Variants in DCC observed in about 807,000 individuals in gnomAD.
The protein encoded by DCC is DCC netrin 1 receptor.
Under a neutral mutation model 172.5 loss-of-function variants are expected in DCC, and 58 were observed. The ratio of observed to expected loss-of-function variants is 0.34; its 90% confidence interval spans 0.27 to 0.42. The LOEUF is 0.42. Among genes scored for constraint, DCC ranks in the 10% least tolerant of loss-of-function variants. DCC has a pLI of 1.00. For synonymous variants in DCC, 709 were observed against 644.5 expected, an observed-to-expected ratio of 1.10 and a Z score of -1.52; for missense variants, 1,740 against 1,791.0, an observed-to-expected ratio of 0.97 and a Z score of 0.51.
At chr18:53,422,123 G>T (rs1910671687) in intron 21 of DCC, among the ~76,000 whole-genome samples, 1 of 152,248 alleles carries the variant, frequency 6.6e-6, no homozygotes, top group East Asian at 1.9e-4. Context: ...TGTCTTGTGA[G>T]ACTAAACCCA....
intron 7 of DCC, among the ~76,000 whole-genome samples, chr18:53,079,184 C>T (rs936250564): frequency 1.2e-4 from 18 of 152,058 alleles, no homozygotes; most frequent in African/African-American, 4.1e-4. Context: ...TTCTTGATTT[C>T]ATAAATGGAA....
Position 53,204,992 on chromosome 18 carries a change from A to G in DCC, c.1574-224A>G, listed in dbSNP as rs1031454064. ...TTACCAGTTTCTCTAAATGTAAAAT[A>G]AAATAGGCAATTTTGGTTAATGTAA... is the stretch of plus-strand genomic sequence containing the variant. On this transcript the variant is annotated intron_variant, in intron 9 of 28. Transcript: ENST00000442544. Among the ~76,000 whole-genome samples the G allele has an allele frequency of 3.9e-5, 6 of 152,184 alleles. No homozygotes were observed. The East Asian group carries it at 7.7e-4, about 20-fold the overall frequency.
chr18:53,425,485 G>A (rs188790803), intron 21 of DCC, among the ~76,000 whole-genome samples: 38 of 149,196 alleles, frequency 2.5e-4, no homozygotes, highest in African/African-American at 4.7e-4. Context: ...CCAGCCTCCC[G>A]AGTAGATGGG....
chr18:52,759,878 C>G (rs567724003), intron 2 of DCC, among the ~76,000 whole-genome samples: 8 of 152,152 alleles, frequency 5.3e-5, no homozygotes, highest in Non-Finnish European at 1.2e-4. Context: ...AGACCCAAAC[C>G]CCTAGGGAAA....
chr18:53,158,072 T>C (rs1025312018), intron 8 of DCC, among the ~76,000 whole-genome samples: 5 of 152,174 alleles, frequency 3.3e-5, no homozygotes, highest in African/African-American at 1.2e-4. Context: ...TGTATCAAAA[T>C]ACATCATGTA....
chr18:52,710,127 A>G (rs766131343), intron 1 of DCC, among the ~76,000 whole-genome samples: 9 of 152,246 alleles, frequency 5.9e-5, no homozygotes, highest in Admixed American at 6.5e-5. Flanking sequence ...GTGTAAGGAT[A>G]TATTTACAAA....
At chr18:53,190,526 A>T (rs1381730081) in intron 9 of DCC, among the ~76,000 whole-genome samples, 2 of 151,306 alleles carry the variant, frequency 1.3e-5, no homozygotes, top group African/African-American at 4.9e-5. Context: ...ATTAGCCATG[A>T]TCGTTTCAGG....
chr18:53,157,617 T>C, intron 8 of DCC, 105 bp downstream of exon 8: 1 of 1,180,332 alleles, frequency 8.5e-7, no homozygotes, highest in Non-Finnish European at 1.2e-6. Context: ...TTGGAGAGGC[T>C]GTGAAATCTC....
At position 53,339,562 on chromosome 18, in the gene DCC, T is replaced by C. The variant is rs2057631649; in HGVS notation, c.2165-151T>C. 4.3e-6 allele frequency: 3 copies of C among 699,712 alleles called. No individual in the cohort carries two copies. The South Asian group carries it at 4.8e-5, about 11-fold the overall frequency. 43.3% of individuals were successfully genotyped at this position (699,712 alleles called of 1,614,324 possible). On this transcript the variant is annotated intron_variant, in intron 14 of 28. Transcript: ENST00000442544. ...AAAGTCAAATCAAACATAGAAAATA[T>C]ATCATATGCTAAAATAAAGAGTGAC...
At chr18:52,982,617 C>G (rs576603897) in intron 5 of DCC, among the ~76,000 whole-genome samples, 1 of 152,032 alleles carries the variant, frequency 6.6e-6, no homozygotes, top group African/African-American at 2.4e-5. Context: ...CTACTAGATG[C>G]CACTAGCATC....
Position 52,906,203 on chromosome 18 carries a change from T to C in DCC, c.572T>C (p.Val191Ala). Residue 191 changes from valine to alanine, a missense_variant, in exon 3 of 29, where the codon GTC becomes GCC. Around this residue, in one of 2 missense-constraint regions of DCC, gnomAD observed 1,732 missense variants for 1,767.4 expected, o/e 0.98. Coordinates refer to ENST00000442544, the MANE Select transcript of DCC (RefSeq NM_005215.4). ...ATCCCAGGTGACTCCCGAGTGGTGG[T>C]CTTGCCCTCTGGAGCATTGCAGATC... The part of the protein sequence containing the change: ...TPIPGDSRVV[V>A]LPSGALQISR... 6.2e-7 allele frequency: 1 copy of C among 1,613,862 alleles called. No individual in the cohort carries two copies. The highest frequency in any genetic ancestry group is 8.5e-7 in the Non-Finnish European group (1 of 1,179,926).
At chr18:52,392,286 C>A (rs1354972162) in intron 1 of DCC, among the ~76,000 whole-genome samples, 1 of 152,048 alleles carries the variant, frequency 6.6e-6, no homozygotes, top group Non-Finnish European at 1.5e-5. Context: ...ACAGAAAATC[C>A]TCTATCTGTG....
At chr18:52,890,284 A>G (rs1301194304) in intron 2 of DCC, among the ~76,000 whole-genome samples, 2 of 152,022 alleles carry the variant, frequency 1.3e-5, no homozygotes, top group African/African-American at 4.8e-5. Context: ...GGAAAGAGCA[A>G]ACTAATTGAA....
At chr18:53,268,924 TTG>T (rs1299597745) in intron 12 of DCC, among the ~76,000 whole-genome samples, 2 of 152,152 alleles carry the variant, frequency 1.3e-5, no homozygotes, top group African/African-American at 4.8e-5. Context: ...TAGAAGGCAA[TTG>T]CTTTTTATAG....
At chr18:53,421,910 T>G (rs1393014181) in intron 21 of DCC, among the ~76,000 whole-genome samples, 1 of 152,170 alleles carries the variant, frequency 6.6e-6, no homozygotes, top group Admixed American at 6.5e-5. Flanking sequence ...ATTGTGCACA[T>G]GCAATCCTAT....
chr18:53,332,891 C>G (rs2057546343), intron 14 of DCC, among the ~76,000 whole-genome samples: 2 of 151,480 alleles, frequency 1.3e-5, no homozygotes, highest in African/African-American at 4.8e-5. Flanking sequence ...ACAGGGAGAC[C>G]CCATTTCTAC....
intron 1 of DCC, among the ~76,000 whole-genome samples, chr18:52,511,658 C>A (rs2144648547): frequency 1.3e-5 from 2 of 152,306 alleles, no homozygotes; most frequent in South Asian, 4.1e-4. Context: ...ATCATCCAGT[C>A]CCAAATGTCA....
At chr18:52,823,320 C>G (rs1255061613) in intron 2 of DCC, among the ~76,000 whole-genome samples, 2 of 152,142 alleles carry the variant, frequency 1.3e-5, no homozygotes, top group African/African-American at 4.8e-5. Context: ...CATCCGTACT[C>G]TACTGAATTC....
intron 9 of DCC, among the ~76,000 whole-genome samples, chr18:53,190,831 G>A (rs1053309546): frequency 2.0e-5 from 3 of 151,964 alleles, no homozygotes; most frequent in African/African-American, 4.8e-5. Context: ...CTGTAGTCCC[G>A]GCTACTGGGG....
Sources: gnomAD v4.1 joint callset for allele counts (sites outside exome capture counted in the v4.1 genomes callset) on GRCh38, gnomAD v4.1.1 for gene constraint, gnomAD v4.1.1 regional missense constraint, MANE v1.5 for transcripts, NCBI Gene and HGNC (gene_info 2026-07-23, HGNC 2026-07-21) for gene names.